Variants in KLHL28 observed in about 807,000 individuals in gnomAD.
KLHL28 encodes kelch like family member 28.
Under a neutral mutation model 48.3 loss-of-function variants are expected in KLHL28, and 22 were observed. The ratio of observed to expected loss-of-function variants is 0.46; its 90% confidence interval spans 0.33 to 0.65. KLHL28 has a LOEUF of 0.65. Ranked by LOEUF, KLHL28 falls within the 30% of genes least tolerant of loss-of-function variation. The probability of loss-of-function intolerance (pLI) is 0.03; values close to 1 mark genes in which losing one functional copy is unlikely to be tolerated. For missense variants in KLHL28, 527 were observed against 704.3 expected (o/e 0.75, Z 2.85); for synonymous variants, 243 against 242.4 (o/e 1.00, Z -0.02).
intron 1 of KLHL28, among the ~76,000 whole-genome samples, chr14:44,959,790 T>C (rs575767736): frequency 6.6e-6 from 1 of 152,262 alleles, no homozygotes; most frequent in Admixed American, 6.5e-5. Flanking sequence ...AGGTGTACTA[T>C]TAATAAAACA....
In KLHL28 at chr14:44,945,408, A is replaced by G. The variant is rs909871973; in HGVS notation, c.521T>C (p.Phe174Ser). 6.2e-7 allele frequency: 1 copy of G among 1,614,206 alleles called. No individual in the cohort carries two copies. Among genetic ancestry groups the G allele is most frequent in the Admixed American group, 1.7e-5 (1 of 60,026 alleles). ...ATCCAAGTCAGCATGTGTAAGCTCAAAAAACTCTTCAGTCTGGCAAACAGC... is the reference window on the plus strand; with the variant it reads ...ATCCAAGTCAGCATGTGTAAGCTCAGAAAACTCTTCAGTCTGGCAAACAGC... ...FEAVCQTEEFFELTHADLDEI... is the reference protein window; with the variant it reads ...FEAVCQTEEFSELTHADLDEI... The change falls in exon 2 of 5, where the codon TTT becomes TCT. Residue 174 changes from phenylalanine (F) to serine (S), a missense_variant. Transcript: ENST00000396128.
intron 1 of KLHL28, among the ~76,000 whole-genome samples, chr14:44,957,101 G>T (rs1193154165): frequency 6.6e-6 from 1 of 152,166 alleles, no homozygotes; most frequent in East Asian, 1.9e-4. Flanking sequence ...TGCGATTACA[G>T]GTGTGAGCCC....
intron 1 of KLHL28, among the ~76,000 whole-genome samples, chr14:44,951,175 A>C (rs1884564431): frequency 6.6e-6 from 1 of 152,220 alleles, no homozygotes; most frequent in Non-Finnish European, 1.5e-5. Flanking sequence ...ATGGGGTCAA[A>C]AGTCTAACAC....
chr14:44,926,815 A>T lies in KLHL28; in HGVS notation c.*2213T>A, dbSNP rs1195476824. 2 of 152,118 alleles carry T rather than the reference A, an allele frequency of 1.3e-5. No individual in the cohort carries two copies. Among genetic ancestry groups the T allele is most frequent in the African/African-American group, 4.8e-5 (2 of 41,410 alleles). The allele number at this position is 152,118 out of a possible 1,614,324, so 9.4% of individuals were successfully genotyped here. A position where few individuals can be genotyped will look rare whatever the true frequency, so the allele number is the denominator to read the frequency against. On this transcript the variant is annotated 3_prime_UTR_variant, in exon 5 of 5. Coordinates refer to ENST00000396128, the MANE Select transcript of KLHL28 (RefSeq NM_017658.5). ...GAGCCACTGCGCCCGTCCTAAAATC[A>T]TTTTCCACAGTCTTTCAAATTCCCT...
At chr14:44,931,882 C>T (rs111659810) in intron 3 of KLHL28, among the ~76,000 whole-genome samples, 1 of 152,016 alleles carries the variant, frequency 6.6e-6, no homozygotes, top group South Asian at 2.1e-4. Context: ...TTTGTGTAAT[C>T]CTGAATAAGT....
At chr14:44,932,252 G>C (rs1883622161) in intron 3 of KLHL28, among the ~76,000 whole-genome samples, 1 of 98,266 alleles carries the variant, frequency 1.0e-5, no homozygotes, top group South Asian at 4.2e-4. Flanking sequence ...GAGAGGGGTG[G>C]GGGGTGGGGA....
intron 2 of KLHL28, among the ~76,000 whole-genome samples, chr14:44,940,697 G>GATT (rs1208249440): frequency 6.6e-6 from 1 of 152,160 alleles, no homozygotes; most frequent in East Asian, 1.9e-4. Context: ...GAGGCATAAA[G>GATT]AGTCTCTCTT....
chr14:44,946,499 T>A (rs554645673), intron 1 of KLHL28, among the ~76,000 whole-genome samples: 2 of 151,522 alleles, frequency 1.3e-5, no homozygotes, highest in Admixed American at 1.3e-4. Flanking sequence ...CAAAGTCCCA[T>A]GAGGGCAATA....
At position 44,925,906 on chromosome 14, in the gene KLHL28, G is replaced by T. The variant is rs532025525; in HGVS notation, c.*3122C>A. ...AAGTTGTTATAATTATAGAAGGCAA[G>T]TATCTTGCAACTGATTACATTAATT... On this transcript the variant is annotated 3_prime_UTR_variant, in exon 5 of 5. Transcript: ENST00000396128. The T allele has an allele frequency of 1.4e-4, 21 of 152,288 alleles. No homozygotes were observed. Among genetic ancestry groups the T allele is most frequent in the African/African-American group, 5.1e-4 (21 of 41,566 alleles). 9.4% of individuals were successfully genotyped at this position (152,288 alleles called of 1,614,324 possible).
intron 2 of KLHL28, among the ~76,000 whole-genome samples, chr14:44,942,569 T>G (rs1298688812): frequency 6.6e-6 from 1 of 152,106 alleles, no homozygotes; most frequent in Non-Finnish European, 1.5e-5. Context: ...TACAATAACT[T>G]CTTTGACTTG....
intron 1 of KLHL28, among the ~76,000 whole-genome samples, chr14:44,949,556 G>T (rs1213392367): frequency 1.3e-5 from 2 of 152,042 alleles, no homozygotes; most frequent in Non-Finnish European, 2.9e-5. Flanking sequence ...CTAGAGGGAT[G>T]CTTCTAGTGG....
In KLHL28 at chr14:44,934,138, C is replaced by G; in HGVS notation, c.1320G>C (p.Gly440=). 6.2e-7 allele frequency: 1 copy of G among 1,613,458 alleles called. No individual in the cohort carries two copies. The highest frequency in any genetic ancestry group is 1.1e-5 in the South Asian group (1 of 91,006). The change falls in exon 3 of 5, where the codon GGG becomes GGC. Residue 440 remains glycine (G), a synonymous_variant. Coordinates refer to ENST00000396128, the MANE Select transcript of KLHL28 (RefSeq NM_017658.5). ...ACCTGTTCATGTGGGCAGGACCATA[C>G]CCACCAATGGCATATATCATTCCAT... ...VLDGMIYAIG[G]YGPAHMNSVE...
chr14:44,952,873 C>T (rs1884641961), intron 1 of KLHL28, among the ~76,000 whole-genome samples: 1 of 151,468 alleles, frequency 6.6e-6, no homozygotes, highest in South Asian at 2.1e-4. Context: ...CCTCAGTAAC[C>T]ACTTTGCGTA....
intron 2 of KLHL28, among the ~76,000 whole-genome samples, chr14:44,937,456 A>G (rs1336706224): frequency 1.3e-5 from 2 of 152,104 alleles, no homozygotes; most frequent in African/African-American, 4.8e-5. Flanking sequence ...CCAGAATTGA[A>G]TTGTTAAATA....
rs896724484 is a variant in KLHL28, at chr14:44,926,443, G to C, written c.*2585C>G. 6.6e-6 allele frequency: 1 copy of C among 152,012 alleles called. No homozygotes were observed. The highest frequency in any genetic ancestry group is 1.5e-5 in the Non-Finnish European group (1 of 67,988). The allele number at this position is 152,012 out of a possible 1,614,324, so 9.4% of individuals were successfully genotyped here. ...ATGATTATACACTAATTTGATAGTG[G>C]AGATGATACATGAGTAAAATATTGT... On this transcript the variant is annotated 3_prime_UTR_variant, in exon 5 of 5. Transcript: ENST00000396128.
chr14:44,948,191 CTTTG>C (rs1884417655), intron 1 of KLHL28, among the ~76,000 whole-genome samples: 1 of 152,266 alleles, frequency 6.6e-6, no homozygotes, highest in East Asian at 1.9e-4. Context: ...CCTTCTCAAT[CTTTG>C]TTTTCCTTAT....
rs1385551135 is a variant in KLHL28, at chr14:44,925,348, A to G, written c.*3680T>C. On this transcript the variant is annotated 3_prime_UTR_variant, in exon 5 of 5. Transcript: ENST00000396128. ...AGTCTTGATACTACAGGAAATATAT[A>G]TATTTAAAATTTCTATAGTTTTCTT... 6.6e-6 allele frequency: 1 copy of G among 152,148 alleles called. No homozygotes were observed. Among genetic ancestry groups the G allele is most frequent in the African/African-American group, 2.4e-5 (1 of 41,458 alleles). The allele number at this position is 152,148 out of a possible 1,614,324, so 9.4% of individuals were successfully genotyped here. A position where few individuals can be genotyped will look rare whatever the true frequency, so the allele number is the denominator to read the frequency against.
At chr14:44,950,171 AGG>A (rs750069865) in intron 1 of KLHL28, among the ~76,000 whole-genome samples, 11 of 152,164 alleles carry the variant, frequency 7.2e-5, no homozygotes, top group Non-Finnish European at 1.2e-4. Context: ...ATACATAAAA[AGG>A]GCTCAGAATA....
intron 1 of KLHL28, among the ~76,000 whole-genome samples, chr14:44,954,665 T>C (rs1017770969): frequency 6.6e-6 from 1 of 152,154 alleles, no homozygotes; most frequent in Non-Finnish European, 1.5e-5. Flanking sequence ...TTACACAATA[T>C]ATACTTTTAA....
Sources: allele counts gnomAD v4.1 joint callset (sites outside exome capture counted in the v4.1 genomes callset), GRCh38; gene constraint gnomAD v4.1.1; transcripts MANE v1.5; gene names NCBI Gene and HGNC (gene_info 2026-07-23, HGNC 2026-07-21).